TPRA1: variants seen among roughly 807,000 people sequenced by gnomAD.
TPRA1 encodes transmembrane protein adipocyte associated 1.
A neutral mutation model predicts 40.1 loss-of-function variants in TPRA1; 28 were observed. That is an observed-to-expected ratio of 0.70 (90% CI 0.52 to 0.96). The LOEUF (loss-of-function observed/expected upper bound fraction) is 0.96, where lower values mean the gene tolerates loss of function less well. Ranked by LOEUF, TPRA1 falls within the 40% of genes least tolerant of loss-of-function variation. The pLI is 0.00. For synonymous variants in TPRA1, 219 were observed against 209.7 expected (o/e 1.04, Z -0.38); for missense variants, 441 against 482.6 (o/e 0.91, Z 0.81).
chr3:127,581,678 C>G (rs190633740), intron 1 of TPRA1, among the ~76,000 whole-genome samples: 2 of 151,352 alleles, frequency 1.3e-5, no homozygotes, highest in African/African-American at 4.9e-5. Flanking sequence ...TTTGGGAGGC[C>G]GAGGCGGGCA....
rs1415310256 is a variant in TPRA1, at chr3:127,576,269, G to T, written c.499-219C>A. ...CCCAGTCTTGGGCTGAGTCACATGG[G>T]GAAGGGGGCAGAGATGGACAAGGTG... On this transcript the variant is annotated intron_variant, in intron 6 of 10. Coordinates refer to ENST00000355552, the MANE Select transcript of TPRA1 (RefSeq NM_001136053.4). This position sits in a 1 kb window ranked among gnomAD's most constrained non-coding sequence, Gnocchi z 4.6. 6.6e-6 allele frequency among the ~76,000 whole-genome samples: 1 copy of T among 152,148 alleles called. No individual in the cohort carries two copies. Among genetic ancestry groups the T allele is most frequent in the African/African-American group, 2.4e-5 (1 of 41,422 alleles).
intron 2 of TPRA1, 65 bp from the exon 3 acceptor site, chr3:127,579,937 C>G: frequency 6.2e-7 from 1 of 1,608,874 alleles, no homozygotes; most frequent in East Asian, 2.2e-5. Flanking sequence ...CTCCAAGACA[C>G]AATCTGCCCC....
At chr3:127,581,414 GGGCCGACA>G (rs1426732970) in intron 1 of TPRA1, among the ~76,000 whole-genome samples, 5 of 152,228 alleles carry the variant, frequency 3.3e-5, no homozygotes, top group Non-Finnish European at 5.9e-5. Context: ...CCAGGCACAA[GGGCCGACA>G]GGCGTATGAT....
intron 1 of TPRA1, among the ~76,000 whole-genome samples, chr3:127,586,576 C>G (rs1193079740): frequency 5.3e-5 from 8 of 152,230 alleles, no homozygotes. Context: ...CCAGGCTGGT[C>G]TAGAACTCTG....
intron 10 of TPRA1, chr3:127,574,933 T>C: frequency 1.8e-6 from 1 of 553,656 alleles, no homozygotes; most frequent in Non-Finnish European, 3.3e-6. Flanking sequence ...TGTGTGTGCA[T>C]GTGCATGTGT....
chr3:127,575,825 G>A lies in TPRA1; in HGVS notation c.610-16C>T, dbSNP rs2073596315. 1.9e-6 allele frequency: 3 copies of A among 1,613,790 alleles called. No individual in the cohort carries two copies. Among genetic ancestry groups the A allele is most frequent in the Middle Eastern group, 1.6e-4 (1 of 6,062 alleles). Reference sequence around the variant, plus strand: ...GAGAGTAGACCTACAGAGACAGGCAGGGCTGAGAAGGTGCTGGGGGCGCCA... The same window carrying A: ...GAGAGTAGACCTACAGAGACAGGCAAGGCTGAGAAGGTGCTGGGGGCGCCA... On this transcript the variant is annotated splice_polypyrimidine_tract_variant and intron_variant, in intron 7 of 10. Transcript: ENST00000355552.
chr3:127,594,542 T>TC (rs2074223525), upstream of TPRA1, among the ~76,000 whole-genome samples: 2 of 152,168 alleles, frequency 1.3e-5, no homozygotes, highest in African/African-American at 4.8e-5. Context: ...CTAGGGGACA[T>TC]CAAGTGACCA....
chr3:127,578,001 C>T (rs891256851), intron 3 of TPRA1, among the ~76,000 whole-genome samples: 4 of 152,324 alleles, frequency 2.6e-5, no homozygotes, highest in Non-Finnish European at 5.9e-5. Flanking sequence ...GCAGGGCCAT[C>T]GGGGAGATCC....
intron 1 of TPRA1, among the ~76,000 whole-genome samples, chr3:127,589,764 C>T (rs1378320182): frequency 6.6e-6 from 1 of 152,132 alleles, no homozygotes; most frequent in East Asian, 1.9e-4. Context: ...CTCTCTATCC[C>T]GGGAGTGCTC....
chr3:127,593,817 C>T (rs1279141878), upstream of TPRA1, among the ~76,000 whole-genome samples: 1 of 152,174 alleles, frequency 6.6e-6, no homozygotes, highest in Non-Finnish European at 1.5e-5. Context: ...TCAGCACGGC[C>T]CCCGCTTCTC....
At position 127,580,077 on chromosome 3, in the gene TPRA1, T is replaced by C; in HGVS notation, c.70A>G (p.Ile24Val). ...TALPPPLAPNISVPHRCLLLL... is the reference protein window; with the variant it reads ...TALPPPLAPNVSVPHRCLLLL... ...AGCAGGCAGCGATGAGGCACACTGATGTTTGGTGCCAGGGGTGGGGGTAGC... is the reference window on the plus strand; with the variant it reads ...AGCAGGCAGCGATGAGGCACACTGACGTTTGGTGCCAGGGGTGGGGGTAGC... The change falls in exon 2 of 11, where the codon ATC (isoleucine) becomes GTC (valine). Residue 24 changes from isoleucine to valine, a missense_variant. By Grantham distance (29) the Ile-to-Val change is conservative. Transcript: ENST00000355552. 6.2e-7 allele frequency: 1 copy of C among 1,613,926 alleles called. No homozygotes were observed. Among genetic ancestry groups the C allele is most frequent in the Non-Finnish European group, 8.5e-7 (1 of 1,180,016 alleles).
Position 127,573,401 on chromosome 3 carries a change from A to C in TPRA1, c.*120T>G. The C allele has an allele frequency of 7.5e-7, 1 of 1,330,460 alleles. No homozygotes were observed. The allele number at this position is 1,330,460 out of a possible 1,614,324, so 82.4% of individuals were successfully genotyped here. Reference sequence around the variant, plus strand: ...TGGGGCCTCCAGACTCATGGTGGGAACAGGGCCACACAGGGCTACTGCCCA... The same window carrying C: ...TGGGGCCTCCAGACTCATGGTGGGACCAGGGCCACACAGGGCTACTGCCCA... On this transcript the variant is annotated 3_prime_UTR_variant, in exon 11 of 11. Transcript: ENST00000355552.
intron 1 of TPRA1, among the ~76,000 whole-genome samples, chr3:127,588,449 C>T (rs1048359932): frequency 1.4e-5 from 2 of 140,954 alleles, no homozygotes; most frequent in East Asian, 2.1e-4. Flanking sequence ...GAGACAGAGT[C>T]TCGCTTTGTC....
chr3:127,575,099 T>C (rs543701496), intron 10 of TPRA1, 86 bp downstream of exon 10: 8 of 1,456,554 alleles, frequency 5.5e-6, no homozygotes, highest in Non-Finnish European at 7.6e-6. Context: ...ATACACAGCC[T>C]CTCAGCTTCA....
At chr3:127,589,391 T>C (rs1360772820) in intron 1 of TPRA1, among the ~76,000 whole-genome samples, 1 of 150,870 alleles carries the variant, frequency 6.6e-6, no homozygotes. Context: ...GACGGGTTGT[T>C]GAGCTTACAA....
intron 3 of TPRA1, among the ~76,000 whole-genome samples, chr3:127,578,593 T>C (rs912795104): frequency 1.3e-5 from 2 of 152,166 alleles, no homozygotes; most frequent in Non-Finnish European, 2.9e-5. Flanking sequence ...GTGTTTAATA[T>C]CTGTTGAATA....
chr3:127,591,434 T>C (rs2074167988), upstream of TPRA1, among the ~76,000 whole-genome samples: 1 of 152,162 alleles, frequency 6.6e-6, no homozygotes, highest in Non-Finnish European at 1.5e-5. Flanking sequence ...AACTCTAACT[T>C]CCACAGTTCT....
Position 127,584,447 on chromosome 3 carries a change from TAAAAAAAAAAAAAAAAAA to T in TPRA1, c.-17-4302_-17-4285del, listed in dbSNP as rs1163065087. 3.4e-3 allele frequency among the ~76,000 whole-genome samples: 70 copies of T among 20,878 alleles called. No homozygotes were observed. The South Asian group carries it at 0.15, about 43-fold the overall frequency. The allele number at this position is 20,878 out of a possible 152,430, so 13.7% of individuals were successfully genotyped here. ...CTGGGCCACAGAGTGAGACCCTGTC[TAAAAAAAAAAAAAAAAAA>T]AAAAAAAAAAAAAAAGAAGCAAACT... On this transcript the variant is annotated intron_variant, in intron 1 of 10. Transcript: ENST00000355552.
rs1356247888 is a variant in TPRA1 at position 127,576,834 on chromosome 3, C to T, written c.405G>A (p.Leu135=). 2.5e-6 allele frequency: 4 copies of T among 1,613,700 alleles called. No individual in the cohort carries two copies. Among genetic ancestry groups the T allele is most frequent in the African/African-American group, 1.3e-5 (1 of 74,832 alleles). ...CGGTACACACACCAAAGGCCAGGCC[C>T]AGGATGATCACACTCAGCTCGATGG... ...LLAIELSVII[L]GLAFGHLESK... is the part of the protein sequence containing the mutation. Residue 135 remains leucine (L), a synonymous_variant, in exon 5 of 11, where the codon CTG becomes CTA. Transcript: ENST00000355552. The surrounding 1 kb of genome is among the most constrained non-coding windows in gnomAD (Gnocchi z 4.6).
Sources: allele counts gnomAD v4.1 joint callset (sites outside exome capture counted in the v4.1 genomes callset), GRCh38; gene constraint gnomAD v4.1.1; non-coding constraint Gnocchi (gnomAD v3.1); transcripts MANE v1.5; gene names NCBI Gene and HGNC (gene_info 2026-07-23, HGNC 2026-07-21).